The following CTNNA2 variants were observed in gnomAD, a reference collection of about 807,000 sequenced individuals.
CTNNA2 encodes the protein catenin alpha-2.
CTNNA2 carries 42 observed loss-of-function variants against 101.0 expected under a neutral mutation model. The ratio of observed to expected loss-of-function variants is 0.42; its 90% CI spans 0.32 to 0.54. CTNNA2 has a LOEUF of 0.54. Ranked by LOEUF, CTNNA2 falls within the 20% of genes least tolerant of loss-of-function variation. The probability of loss-of-function intolerance (pLI) is 0.14; values close to 1 mark genes in which losing one functional copy is unlikely to be tolerated. For missense variants in CTNNA2, 871 were observed against 1,223.1 expected (o/e 0.71, Z 4.29); for synonymous variants, 450 against 456.4 (o/e 0.99, Z 0.18).
chr2:80,143,234 C>T (rs1703120396), intron 7 of CTNNA2, among the ~76,000 whole-genome samples: 1 of 152,142 alleles, frequency 6.6e-6, no homozygotes, highest in African/African-American at 2.4e-5. Context: ...GATATTTAGT[C>T]ACAAGCAAGT....
intron 7 of CTNNA2, among the ~76,000 whole-genome samples, chr2:80,271,673 C>A (rs6714655): frequency 6.6e-6 from 1 of 152,104 alleles, no homozygotes; most frequent in African/African-American, 2.4e-5. Context: ...CTACCTGCCT[C>A]GGCCTCCCAA....
At chr2:79,320,433 A>G (rs1676593229) in intron 3 of CTNNA2, among the ~76,000 whole-genome samples, 2 of 139,102 alleles carry the variant, frequency 1.4e-5, no homozygotes, top group African/African-American at 5.6e-5. Flanking sequence ...AGTTTATTGT[A>G]CTTCTAACCA....
At chr2:79,226,994 A>G (rs911378338) in intron 2 of CTNNA2, among the ~76,000 whole-genome samples, 1 of 151,442 alleles carries the variant, frequency 6.6e-6, no homozygotes, top group Non-Finnish European at 1.5e-5. Context: ...TTTCCTCCAA[A>G]AAAAAAAATC....
chr2:79,751,612 A>AG (rs1018711650), intron 3 of CTNNA2, among the ~76,000 whole-genome samples: 1 of 146,804 alleles, frequency 6.8e-6, no homozygotes, highest in African/African-American at 2.7e-5. Flanking sequence ...AAAAAAAAAA[A>AG]AAAGAAAGAA....
intron 2 of CTNNA2, among the ~76,000 whole-genome samples, chr2:79,667,271 A>C (rs1286172292): frequency 2.6e-5 from 4 of 152,202 alleles, no homozygotes; most frequent in Admixed American, 2.0e-4. Flanking sequence ...CATGAAGGTT[A>C]ACTTTTTGTG....
intron 7 of CTNNA2, among the ~76,000 whole-genome samples, chr2:80,357,776 A>G (rs1673983005): frequency 6.6e-6 from 1 of 152,122 alleles, no homozygotes; most frequent in South Asian, 2.1e-4. Context: ...TTTATAACCT[A>G]TTTGATTCAC....
At position 79,687,457 on chromosome 2, in the gene CTNNA2, G is replaced by A. The variant is rs897580023; in HGVS notation, c.102+35799G>A. The A allele has an allele frequency of 1.8e-4, 60 of 334,746 alleles. No homozygotes were observed. The East Asian group carries it at 2.6e-3, about 15-fold the overall frequency. The allele number at this position is 334,746 out of a possible 1,614,324, so 20.7% of individuals were successfully genotyped here. Reference sequence around the variant, plus strand: ...CATTTGGATCTGCTTTTTTTTTTTTGTACCTTCAGATAATTTTGATTAGCT... The same window carrying A: ...CATTTGGATCTGCTTTTTTTTTTTTATACCTTCAGATAATTTTGATTAGCT... On this transcript the variant is annotated intron_variant, in intron 2 of 18. Coordinates refer to ENST00000402739, the MANE Select transcript of CTNNA2 (RefSeq NM_001282597.3).
At chr2:80,209,175 A>G (rs1172900266) in intron 7 of CTNNA2, among the ~76,000 whole-genome samples, 1 of 151,766 alleles carries the variant, frequency 6.6e-6, no homozygotes, top group African/African-American at 2.4e-5. Context: ...CTAGCCTTTC[A>G]GAGTATGTTT....
chr2:79,268,559 G>A (rs566253158), intron 2 of CTNNA2, among the ~76,000 whole-genome samples: 22 of 152,202 alleles, frequency 1.4e-4, no homozygotes, highest in Non-Finnish European at 2.8e-4. Context: ...ATTTATAGCC[G>A]GTTAGAGGCA....
chr2:79,215,782 A>T (rs549783575), intron 2 of CTNNA2, among the ~76,000 whole-genome samples: 3 of 152,194 alleles, frequency 2.0e-5, no homozygotes, highest in Non-Finnish European at 4.4e-5. Flanking sequence ...GGCTAGTCAC[A>T]GAACGAAACT....
intron 8 of CTNNA2, among the ~76,000 whole-genome samples, chr2:80,397,458 C>G (rs562157464): frequency 6.6e-6 from 1 of 152,242 alleles, no homozygotes; most frequent in East Asian, 1.9e-4. Flanking sequence ...TCCCTTATGT[C>G]ATGGGAGGGA....
At chr2:80,156,378 C>A (rs1352045236) in intron 7 of CTNNA2, among the ~76,000 whole-genome samples, 1 of 152,202 alleles carries the variant, frequency 6.6e-6, no homozygotes, top group Non-Finnish European at 1.5e-5. Flanking sequence ...TCCTACTTTG[C>A]AAGTAGCTCT....
At chr2:79,943,109 C>T (rs13030678) in intron 7 of CTNNA2, among the ~76,000 whole-genome samples, 73 of 152,054 alleles carry the variant, frequency 4.8e-4, no homozygotes, top group African/African-American at 1.4e-3. Context: ...CCCAGCTACT[C>T]GGTAGGCTGA....
intron 2 of CTNNA2, among the ~76,000 whole-genome samples, chr2:79,739,807 T>A (rs1029243064): frequency 6.6e-6 from 1 of 152,226 alleles, no homozygotes; most frequent in Non-Finnish European, 1.5e-5. Flanking sequence ...GTGTTCCTGC[T>A]GCTCTGACTT....
chr2:80,174,809 G>A (rs531336203), intron 7 of CTNNA2, among the ~76,000 whole-genome samples: 1 of 152,092 alleles, frequency 6.6e-6, no homozygotes, highest in South Asian at 2.1e-4. Context: ...AATACCTCTT[G>A]ATTTTGTTCA....
At chr2:79,487,653 T>C (rs529874430) in intron 4 of CTNNA2, among the ~76,000 whole-genome samples, 2 of 152,306 alleles carry the variant, frequency 1.3e-5, no homozygotes, top group Non-Finnish European at 2.9e-5. Flanking sequence ...GCCACCATCA[T>C]GTGAGTCAGC....
At chr2:79,690,419 G>A (rs1301453615) in intron 2 of CTNNA2, among the ~76,000 whole-genome samples, 2 of 151,962 alleles carry the variant, frequency 1.3e-5, no homozygotes, top group South Asian at 2.1e-4. Context: ...ATTTCCATAC[G>A]AAAGGAAATA....
chr2:79,592,121 G>C (rs13014749), intron 1 of CTNNA2, among the ~76,000 whole-genome samples: 5,151 of 28,616 alleles, frequency 0.18, 152 homozygotes, highest in Non-Finnish European at 0.28. Context: ...ACTTCTTTTT[G>C]CTTTTTTTTT....
At chr2:80,517,453 T>C (rs1266051430) in intron 9 of CTNNA2, among the ~76,000 whole-genome samples, 1 of 152,192 alleles carries the variant, frequency 6.6e-6, no homozygotes, top group Non-Finnish European at 1.5e-5. Flanking sequence ...GGAGGAAGTA[T>C]GTAAGTTGCC....
Sources: allele counts gnomAD v4.1 joint callset (sites outside exome capture counted in the v4.1 genomes callset), GRCh38; gene constraint gnomAD v4.1.1; transcripts MANE v1.5; gene names NCBI Gene and HGNC (gene_info 2026-07-23, HGNC 2026-07-21).